Variants in SNX7 observed in about 807,000 individuals in gnomAD.
The protein encoded by SNX7 is sorting nexin 7.
Under a neutral mutation model 48.4 loss-of-function variants are expected in SNX7, and 35 were observed. The ratio of observed to expected loss-of-function variants is 0.72; its 90% CI spans 0.55 to 0.96. The LOEUF (loss-of-function observed/expected upper bound fraction) is 0.96, where lower values mean the gene tolerates loss of function less well. Ranked by LOEUF, SNX7 falls within the 40% of genes least tolerant of loss-of-function variation. SNX7 has a pLI of 0.00. For missense variants in SNX7, 553 were observed against 548.9 expected, an observed-to-expected ratio of 1.01 and a Z score of -0.07; for synonymous variants, 190 against 190.2, an observed-to-expected ratio of 1.00 and a Z score of 0.01.
chr1:98,673,197 G>A (rs1360874055), intron 1 of SNX7, among the ~76,000 whole-genome samples: 2 of 152,168 alleles, frequency 1.3e-5, no homozygotes, highest in South Asian at 2.1e-4. Context: ...TACAGCAAAT[G>A]TGAAAATGAG....
At chr1:98,759,489 C>A (rs4908024) in intron 8 of SNX7, among the ~76,000 whole-genome samples, 108,325 of 151,896 alleles carry the variant, frequency 0.71, 40,035 homozygotes, top group South Asian at 0.82. Context: ...GTCTTTCCAC[C>A]CAGTCCCAAC....
At chr1:98,703,425 G>A (rs1651852125) in intron 7 of SNX7, among the ~76,000 whole-genome samples, 1 of 152,048 alleles carries the variant, frequency 6.6e-6, no homozygotes, top group African/African-American at 2.4e-5. Flanking sequence ...TCTTGACTAT[G>A]TATATTAACT....
At position 98,661,726 on chromosome 1, in the gene SNX7, C is replaced by T; in HGVS notation, c.-6C>T. On this transcript the variant is annotated 5_prime_UTR_variant, in exon 1 of 9. Transcript: ENST00000306121. ...GGTGGCGGCCGGCTGGGCGCGCACT[C>T]TCGGGATGGAGGGCGAGCGCCGGGC... 1.6e-6 allele frequency: 2 copies of T among 1,223,084 alleles called. No individual in the cohort carries two copies. The highest frequency in any genetic ancestry group is 2.0e-6 in the Non-Finnish European group (2 of 979,106). The allele number at this position is 1,223,084 out of a possible 1,614,324, so 75.8% of individuals were successfully genotyped here.
intron 7 of SNX7, among the ~76,000 whole-genome samples, chr1:98,717,724 G>T (rs1652663481): frequency 6.6e-6 from 1 of 152,056 alleles, no homozygotes; most frequent in Non-Finnish European, 1.5e-5. Context: ...CACAAAGAGG[G>T]TATGAAATGA....
rs569749336 is a variant in SNX7, at chr1:98,702,696, A to G, written c.1125+793A>G. On this transcript the variant is annotated intron_variant, in intron 7 of 8. Coordinates refer to ENST00000306121, the MANE Select transcript of SNX7 (RefSeq NM_015976.5). Reference sequence around the variant, plus strand: ...TTATATATAGGTCTTGAAATGCAGAATAGGATTGGAGGTGATGACGTCTCT... The same window carrying G: ...TTATATATAGGTCTTGAAATGCAGAGTAGGATTGGAGGTGATGACGTCTCT... 3.9e-5 allele frequency among the ~76,000 whole-genome samples: 6 copies of G among 152,280 alleles called. No individual in the cohort carries two copies. In the East Asian group the frequency reaches 9.7e-4, roughly 25 times the overall value.
At chr1:98,686,045 A>C (rs1211930023) in intron 2 of SNX7, among the ~76,000 whole-genome samples, 1 of 152,092 alleles carries the variant, frequency 6.6e-6, no homozygotes, top group Non-Finnish European at 1.5e-5. Context: ...TTTTCTGAAT[A>C]TTTAGGGGAT....
intron 1 of SNX7, among the ~76,000 whole-genome samples, chr1:98,683,227 T>C (rs1403358292): frequency 6.6e-6 from 1 of 152,160 alleles, no homozygotes; most frequent in Non-Finnish European, 1.5e-5. Flanking sequence ...TCCTCGTGTT[T>C]GGATGTTTGG....
At chr1:98,710,139 T>G (rs80273083) in intron 7 of SNX7, among the ~76,000 whole-genome samples, 2,078 of 152,274 alleles carry the variant, frequency 0.014, 61 homozygotes, top group African/African-American at 0.048. Flanking sequence ...CATGTAACCG[T>G]TACCCAGAAA....
Position 98,748,131 on chromosome 1 carries a change from C to A in SNX7, c.1278+9742C>A, listed in dbSNP as rs1654396518. 2.6e-5 allele frequency among the ~76,000 whole-genome samples: 4 copies of A among 151,928 alleles called. No homozygotes were observed. In the South Asian group the frequency reaches 8.3e-4, roughly 32 times the overall value. Reference sequence around the variant, plus strand: ...AACCAAGTAGCTGGGATTACAGGCACCTGCCACCATGCCTGGCTAATTTTT... The same window carrying A: ...AACCAAGTAGCTGGGATTACAGGCAACTGCCACCATGCCTGGCTAATTTTT... On this transcript the variant is annotated intron_variant, in intron 8 of 8. Coordinates refer to ENST00000306121, the MANE Select transcript of SNX7 (RefSeq NM_015976.5).
intron 7 of SNX7, among the ~76,000 whole-genome samples, chr1:98,736,239 G>A (rs1311884844): frequency 6.6e-6 from 1 of 152,156 alleles, no homozygotes; most frequent in Non-Finnish European, 1.5e-5. Flanking sequence ...AAACTGCAAA[G>A]CCTAAGCAGA....
chr1:98,661,559 G>A (rs868776974), upstream of SNX7: 1 of 494,684 alleles, frequency 2.0e-6, no homozygotes, highest in Non-Finnish European at 2.9e-6. Context: ...GCCAGGTGGG[G>A]ATGCGCCCGG....
Position 98,738,767 on chromosome 1 carries a change from C to T in SNX7, c.1278+378C>T, listed in dbSNP as rs552785850. ...CTGTCTTCTGTAGCTATTCTGAAAC[C>T]ATCAACAAAGGAGCACACCATTCCA... is the stretch of plus-strand genomic sequence containing the variant. On this transcript the variant is annotated intron_variant, in intron 8 of 8. Transcript: ENST00000306121. Among the ~76,000 whole-genome samples, 6 of 152,256 alleles carry T rather than the reference C, an allele frequency of 3.9e-5. No individual in the cohort carries two copies. The East Asian group carries it at 5.8e-4, about 15-fold the overall frequency.
At chr1:98,714,450 T>G (rs1373074356) in intron 7 of SNX7, among the ~76,000 whole-genome samples, 1 of 111,298 alleles carries the variant, frequency 9.0e-6, no homozygotes, top group East Asian at 2.3e-4. Context: ...TATTCTCTAG[T>G]GGAAGGATGC....
chr1:98,694,595 G>GTTTTTT (rs1557802551), intron 4 of SNX7, among the ~76,000 whole-genome samples: 5 of 71,182 alleles, frequency 7.0e-5, no homozygotes, highest in Non-Finnish European at 1.1e-4. Flanking sequence ...ATTGCTCTGG[G>GTTTTTT]ATTTTTTTTT....
chr1:98,667,912 A>C, intron 1 of SNX7, among the ~76,000 whole-genome samples: 1 of 151,662 alleles, frequency 6.6e-6, no homozygotes, highest in East Asian at 1.9e-4. Context: ...TGATTAGGAA[A>C]AAAAAAACAA....
chr1:98,710,356 A>T (rs12078775), intron 7 of SNX7, among the ~76,000 whole-genome samples: 1,959 of 152,248 alleles, frequency 0.013, 50 homozygotes, highest in African/African-American at 0.045. Flanking sequence ...GAAGACAAAG[A>T]CTGTGGAAAA....
intron 1 of SNX7, among the ~76,000 whole-genome samples, chr1:98,683,334 A>G (rs1650605574): frequency 1.3e-5 from 2 of 152,180 alleles, no homozygotes; most frequent in Admixed American, 1.3e-4. Context: ...TGGCTAATTC[A>G]TTAGGGGACT....
chr1:98,756,740 C>T, intron 8 of SNX7, among the ~76,000 whole-genome samples: 1 of 151,976 alleles, frequency 6.6e-6, no homozygotes, highest in Non-Finnish European at 1.5e-5. Context: ...TTCTCGAACT[C>T]TTAGCTCTAT....
At chr1:98,701,979 A>G in intron 7 of SNX7, 76 bp downstream of exon 7, 1 of 982,298 alleles carries the variant, frequency 1.0e-6, no homozygotes, top group Non-Finnish European at 1.6e-6. Flanking sequence ...TCCTTACATG[A>G]TTGTCCTTAC....
Sources: gnomAD v4.1 joint callset for allele counts (sites outside exome capture counted in the v4.1 genomes callset) on GRCh38, gnomAD v4.1.1 for gene constraint, MANE v1.5 for transcripts, NCBI Gene and HGNC (gene_info 2026-07-23, HGNC 2026-07-21) for gene names.